Variants in HUWE1 observed in about 807,000 individuals in gnomAD.
HUWE1 encodes HECT, UBA and WWE domain containing E3 ubiquitin protein ligase 1.
In HUWE1, 18 loss-of-function variants were observed where a neutral mutation model predicts 299.4. The ratio of observed to expected loss-of-function variants is 0.06; its 90% confidence interval spans 0.04 to 0.09. The LOEUF is 0.09. Among genes scored for constraint, HUWE1 ranks in the 10% least tolerant of loss-of-function variants. The probability of loss-of-function intolerance (pLI) is 1.00; values close to 1 mark genes in which losing one functional copy is unlikely to be tolerated. For synonymous variants in HUWE1, 1,317 were observed against 1,286.1 expected (o/e 1.02, Z -0.51); for missense variants, 1,832 against 3,462.3 (o/e 0.53, Z 11.82).
Position 53,545,142 on chromosome X carries a change from C to A in HUWE1, c.10935G>T (p.Leu3645=), listed in dbSNP as rs782005025. Residue 3645 remains leucine, a synonymous_variant, in exon 71 of 84, where the codon CTG becomes CTT. Transcript: ENST00000262854. ...GCTGCTGCTCGAGGTTGTATTCCCG[C>A]AGCTCGGCCAGCAGGGTACCTGAGC... The part of the protein sequence containing the change: ...CKQIGTLLAE[L]REYNLEQQRR... 3 of 1,208,103 alleles carry A rather than the reference C, an allele frequency of 2.5e-6. No individual in the cohort carries two copies. In the East Asian group the frequency reaches 8.9e-5, roughly 36 times the overall value.
intron 23 of HUWE1, among the ~76,000 whole-genome samples, chrX:53,611,791 G>C (rs2065488032): frequency 9.2e-6 from 1 of 108,980 alleles, no homozygotes; most frequent in Admixed American, 9.8e-5. Flanking sequence ...TCGGGAGGCG[G>C]AGGTTGCAGT....
intron 22 of HUWE1, 109 bp downstream of exon 22, chrX:53,615,635 C>A: frequency 1.8e-6 from 1 of 567,363 alleles, no homozygotes; most frequent in Non-Finnish European, 3.0e-6. Flanking sequence ...ACATAATGCT[C>A]TTACAGCTAT....
intron 2 of HUWE1, among the ~76,000 whole-genome samples, chrX:53,681,494 A>C (rs1251388668): frequency 9.0e-6 from 1 of 111,097 alleles, no homozygotes; most frequent in Non-Finnish European, 1.9e-5. Context: ...CTGTTTAATA[A>C]GTACGTTAGA....
At chrX:53,546,945 A>G in intron 68 of HUWE1, 120 bp from the exon 69 acceptor site, 1 of 915,345 alleles carries the variant, frequency 1.1e-6, no homozygotes, top group Non-Finnish European at 1.5e-6. Flanking sequence ...GTACTGAAAA[A>G]GAAAACCCAC....
chrX:53,600,084 G>A lies in HUWE1; in HGVS notation c.3163+34C>T, dbSNP rs782819267. On this transcript the variant is annotated intron_variant, in intron 29 of 83. Transcript: ENST00000262854. ...CTGTTTCAAGACTAAGGGACTGAAA[G>A]CCAGAAAAGGTAGGAGAAAGGAGAA... is the stretch of plus-strand genomic sequence containing the variant. 14 of 1,160,062 alleles carry A rather than the reference G, an allele frequency of 1.2e-5. No individual in the cohort carries two copies. In the South Asian group the frequency reaches 1.6e-4, roughly 13 times the overall value.
intron 49 of HUWE1, among the ~76,000 whole-genome samples, chrX:53,566,109 A>ATGTGTGTG (rs1436785088): frequency 5.3e-4 from 24 of 45,171 alleles, no homozygotes; most frequent in African/African-American, 1.2e-3. Flanking sequence ...GTATGTATGT[A>ATGTGTGTG]TGTATGTATG....
chrX:53,565,522 A>G (rs1322763729), intron 49 of HUWE1, among the ~76,000 whole-genome samples: 1 of 111,254 alleles, frequency 9.0e-6, no homozygotes, highest in African/African-American at 3.3e-5. Flanking sequence ...ATTCTGGATG[A>G]CCACATGCAA....
At chrX:53,681,109 T>TA (rs1196189323) in intron 2 of HUWE1, among the ~76,000 whole-genome samples, 42 of 107,918 alleles carry the variant, frequency 3.9e-4, no homozygotes, top group East Asian at 2.6e-3. Context: ...TAGAATTAGT[T>TA]AAAAAAAAAA....
At chrX:53,543,030 A>G (rs782005632) in intron 73 of HUWE1, among the ~76,000 whole-genome samples, 1 of 110,910 alleles carries the variant, frequency 9.0e-6, no homozygotes, top group Non-Finnish European at 1.9e-5. Flanking sequence ...GTGTAATGGG[A>G]AAGAGACTCG....
chrX:53,536,828 T>C (rs2061084117), intron 78 of HUWE1, among the ~76,000 whole-genome samples, 161 bp from the exon 79 acceptor site: 1 of 111,500 alleles, frequency 9.0e-6, no homozygotes, highest in African/African-American at 3.3e-5. Context: ...GGGGTGGAGA[T>C]CTGGGAGCAA....
chrX:53,535,943 T>TTA, intron 80 of HUWE1: 1 of 298,525 alleles, frequency 3.3e-6, no homozygotes, highest in South Asian at 5.8e-5. Flanking sequence ...TTTTTTTTTT[T>TTA]AATAAAGGTG....
chrX:53,580,652 A>T (rs1236941704), intron 43 of HUWE1, among the ~76,000 whole-genome samples, 179 bp downstream of exon 43: 2 of 112,447 alleles, frequency 1.8e-5, no homozygotes, highest in African/African-American at 3.2e-5. Flanking sequence ...CAACAGGGCA[A>T]GGCCCAGAGA....
At chrX:53,564,977 G>A (rs1432414864) in intron 50 of HUWE1, 90 bp downstream of exon 50, 22 of 1,007,218 alleles carry the variant, frequency 2.2e-5, no homozygotes, top group Non-Finnish European at 2.8e-5. Context: ...CAAGTTCCCA[G>A]GGAAACACCA....
chrX:53,683,985 G>A (rs1278773805), intron 2 of HUWE1: 1 of 294,144 alleles, frequency 3.4e-6, no homozygotes, highest in African/African-American at 2.7e-5. Flanking sequence ...GGCTACTGCA[G>A]TCAGTAACCG....
intron 67 of HUWE1, among the ~76,000 whole-genome samples, chrX:53,548,538 T>C (rs1223875504): frequency 1.8e-5 from 2 of 112,934 alleles, no homozygotes; most frequent in African/African-American, 6.4e-5. Flanking sequence ...TACACTTCCT[T>C]GCAAAGTTGT....
rs1200442217 is a variant in HUWE1, at chrX:53,575,609, G to A, written c.6030+34C>T. On this transcript the variant is annotated intron_variant, in intron 45 of 83. Coordinates refer to ENST00000262854, the MANE Select transcript of HUWE1 (RefSeq NM_031407.7). ...AGACCACACAGGCATTGAAAAATGA[G>A]AAGAAAGATAAAACGCTGTTGGAAT... is the stretch of plus-strand genomic sequence containing the variant. 4 of 1,191,744 alleles carry A rather than the reference G, an allele frequency of 3.4e-6. No homozygotes were observed. The African/African-American group carries it at 5.3e-5, about 16-fold the overall frequency.
intron 19 of HUWE1, among the ~76,000 whole-genome samples, chrX:53,619,053 T>C (rs1336655799): frequency 9.0e-6 from 1 of 111,683 alleles, no homozygotes; most frequent in African/African-American, 3.3e-5. Flanking sequence ...AAACCATGTA[T>C]ACAGAACAAA....
In HUWE1 at chrX:53,535,508, C is replaced by A. The variant is rs782651922; in HGVS notation, c.12532-7G>T. On this transcript the variant is annotated splice_polypyrimidine_tract_variant and splice_region_variant and intron_variant, in intron 80 of 83. Transcript: ENST00000262854. ...AAACTCCAAACTCTTGGACCTAGAA[C>A]AACCAAAACACCAATCATACATATC... The A allele has an allele frequency of 8.3e-6, 9 of 1,085,086 alleles. No homozygotes were observed. In the African/African-American group the frequency reaches 1.1e-4, roughly 13 times the overall value. The allele number at this position is 1,085,086 out of a possible 1,213,427, so 89.4% of individuals were successfully genotyped here.
rs2060902133 is a variant in HUWE1 at position 53,534,280 on chromosome X, A to G, written c.12832-83T>C. On this transcript the variant is annotated intron_variant, in intron 82 of 83. Transcript: ENST00000262854. ...GGGGGGATGGAATCTAGGAAACAGGACTGGACTTGGTATCTGAGGCAAGTC... is the reference window on the plus strand; with the variant it reads ...GGGGGGATGGAATCTAGGAAACAGGGCTGGACTTGGTATCTGAGGCAAGTC... 7 of 891,464 alleles carry G rather than the reference A, an allele frequency of 7.9e-6. No individual in the cohort carries two copies. The South Asian group carries it at 1.0e-4, about 13-fold the overall frequency. The allele number at this position is 891,464 out of a possible 1,213,427, so 73.5% of individuals were successfully genotyped here.
Sources: allele counts gnomAD v4.1 joint callset (sites outside exome capture counted in the v4.1 genomes callset), GRCh38; gene constraint gnomAD v4.1.1; transcripts MANE v1.5; gene names NCBI Gene and HGNC (gene_info 2026-07-23, HGNC 2026-07-21).